The following DRAXIN variants were observed in gnomAD, a reference collection of about 807,000 sequenced individuals.
DRAXIN encodes dorsal repulsive axon guidance protein.
A neutral mutation model predicts 33.9 loss-of-function variants in DRAXIN; 27 were observed. The ratio of observed to expected loss-of-function variants is 0.80; its 90% CI spans 0.59 to 1.10. DRAXIN has a LOEUF of 1.10. Ranked by LOEUF, DRAXIN falls within the 50% of genes least tolerant of loss-of-function variation. The pLI, the probability that DRAXIN is intolerant of heterozygous loss-of-function variation, is 0.00. For synonymous variants in DRAXIN, 178 were observed against 194.0 expected, an observed-to-expected ratio of 0.92 and a Z score of 0.69; for missense variants, 371 against 460.8, an observed-to-expected ratio of 0.81 and a Z score of 1.78.
At chr1:11,711,208 G>A (rs573621237) in intron 3 of DRAXIN, among the ~76,000 whole-genome samples, 3 of 152,362 alleles carry the variant, frequency 2.0e-5, no homozygotes, top group East Asian at 1.9e-4. Flanking sequence ...CCTTGAGATT[G>A]TGATAAAAGC....
chr1:11,716,788 C>T (rs1029530495), intron 6 of DRAXIN, among the ~76,000 whole-genome samples: 10 of 152,142 alleles, frequency 6.6e-5, no homozygotes, highest in African/African-American at 2.2e-4. Flanking sequence ...CCTCCCGCCT[C>T]GGCAATAAAG....
At position 11,713,714 on chromosome 1, in the gene DRAXIN, C is replaced by G. The variant is rs148354634; in HGVS notation, c.847+1285C>G. 4.3e-3 allele frequency among the ~76,000 whole-genome samples: 649 copies of G among 152,276 alleles called. 8 individuals are homozygous for G. The highest frequency in any genetic ancestry group is 0.015 in the African/African-American group (617 of 41,548). On this transcript the variant is annotated intron_variant, in intron 5 of 6. Coordinates refer to ENST00000294485, the MANE Select transcript of DRAXIN (RefSeq NM_198545.4). ...GACCAGCCTGGGCAACACGGGAAGA[C>G]TCCATCTCCAAAAATAGTAATAATT...
chr1:11,700,830 A>G (rs1478894019), intron 1 of DRAXIN, among the ~76,000 whole-genome samples: 2 of 152,178 alleles, frequency 1.3e-5, no homozygotes, highest in East Asian at 1.9e-4. Flanking sequence ...GCTCCCCCCA[A>G]CCCACTATGC....
rs376842651 is a variant in DRAXIN, at chr1:11,706,599, G to T, written c.341G>T (p.Gly114Val). The T allele has an allele frequency of 2.1e-5, 33 of 1,605,052 alleles. No individual in the cohort carries two copies. In the Admixed American group the frequency reaches 3.0e-4, roughly 15 times the overall value. The change falls in exon 2 of 7, where the codon GGA becomes GTA. Residue 114 changes from glycine (G) to valine (V), a missense_variant. Coordinates refer to ENST00000294485, the MANE Select transcript of DRAXIN (RefSeq NM_198545.4). The surrounding 1 kb of genome is among the most constrained non-coding windows in gnomAD (Gnocchi z 5.5). The part of the protein sequence containing the change: ...GLLQDKDLLL[G>V]LALPYPEKEN... ...CTGCAGGACAAGGACCTGCTCCTGG[G>T]ACTGGCATTGCCCTACCCCGAGAAG...
intron 1 of DRAXIN, among the ~76,000 whole-genome samples, chr1:11,701,373 C>T (rs1477836867): frequency 6.6e-6 from 1 of 152,120 alleles, no homozygotes; most frequent in Admixed American, 6.5e-5. Context: ...CCCAGAGCCT[C>T]GGTTTCGTCA....
chr1:11,687,488 C>T (rs1640979959), upstream of DRAXIN, among the ~76,000 whole-genome samples: 1 of 152,226 alleles, frequency 6.6e-6, no homozygotes, highest in Non-Finnish European at 1.5e-5. The surrounding 1 kb of genome is among the most constrained non-coding windows in gnomAD (Gnocchi z 4.1). Context: ...GACCCACCTA[C>T]CTTGGCCTCC....
rs1641443081 is a variant in DRAXIN, at chr1:11,709,428, A to T, written c.605A>T (p.Glu202Val). The T allele has an allele frequency of 3.1e-6, 5 of 1,614,008 alleles. No homozygotes were observed. Among genetic ancestry groups the T allele is most frequent in the Non-Finnish European group, 4.2e-6 (5 of 1,179,962 alleles). Residue 202 changes from glutamate to valine, a missense_variant, in exon 3 of 7, where the codon GAG (glutamate) becomes GTG (valine). By Grantham distance (121) the Glu-to-Val change is moderately radical. Coordinates refer to ENST00000294485, the MANE Select transcript of DRAXIN (RefSeq NM_198545.4). ...TTFEAAPATE[E>V]SLILPVTSLR... ...TTTGAGGCAGCACCTGCCACAGAAGAGTCCCTGATCCTGCCCGTCACCTCC... is the reference window on the plus strand; with the variant it reads ...TTTGAGGCAGCACCTGCCACAGAAGTGTCCCTGATCCTGCCCGTCACCTCC...
In DRAXIN at chr1:11,706,013, G is replaced by C. The variant is rs1016998586; in HGVS notation, c.-10-236G>C. Among the ~76,000 whole-genome samples the C allele has an allele frequency of 2.6e-5, 4 of 152,118 alleles. No homozygotes were observed. Among genetic ancestry groups the C allele is most frequent in the African/African-American group, 7.2e-5 (3 of 41,428 alleles). The stretch of plus-strand genomic sequence containing the variant: ...TCTGGGCCGGATGATTCTTGGTTTC[G>C]GGGGCTGTCCTGTGCATTGTCGGGC... On this transcript the variant is annotated intron_variant, in intron 1 of 6. Coordinates refer to ENST00000294485, the MANE Select transcript of DRAXIN (RefSeq NM_198545.4). This position sits in a 1 kb window ranked among gnomAD's most constrained non-coding sequence, Gnocchi z 5.5.
intron 5 of DRAXIN, among the ~76,000 whole-genome samples, chr1:11,712,817 C>A (rs150227662): frequency 2.0e-5 from 3 of 151,836 alleles, no homozygotes; most frequent in Admixed American, 2.0e-4. Context: ...GAGAATCAAT[C>A]GCTTGAACCT....
At chr1:11,695,530 G>A (rs1169755539) in intron 1 of DRAXIN, among the ~76,000 whole-genome samples, 2 of 151,798 alleles carry the variant, frequency 1.3e-5, no homozygotes, top group Non-Finnish European at 2.9e-5. Flanking sequence ...AGGTTGCAGG[G>A]AGCAGAGGCT....
chr1:11,693,119 G>A (rs751360164), intron 1 of DRAXIN, among the ~76,000 whole-genome samples: 17 of 152,046 alleles, frequency 1.1e-4, no homozygotes, highest in African/African-American at 2.7e-4. Flanking sequence ...CCATACAGGC[G>A]TCCACACCCT....
intron 1 of DRAXIN, among the ~76,000 whole-genome samples, chr1:11,697,332 T>C (rs1641209021): frequency 6.6e-6 from 1 of 152,250 alleles, no homozygotes; most frequent in African/African-American, 2.4e-5. Flanking sequence ...AGGCAAGGAC[T>C]GTGTCTTTGC....
chr1:11,712,084 G>A (rs977363910), intron 4 of DRAXIN, 119 bp downstream of exon 4: 1 of 998,620 alleles, frequency 1.0e-6, no homozygotes, highest in South Asian at 1.5e-5. Context: ...GGTGGGATGT[G>A]GGGAGAGGGG....
At chr1:11,717,467 G>A (rs1447816458) in intron 6 of DRAXIN, among the ~76,000 whole-genome samples, 1 of 151,414 alleles carries the variant, frequency 6.6e-6, no homozygotes, top group African/African-American at 2.4e-5. Context: ...TTTGAGACCA[G>A]CCTGACCAAC....
rs1270795760 is a variant in DRAXIN, at chr1:11,705,859, C to T, written c.-10-390C>T. On this transcript the variant is annotated intron_variant, in intron 1 of 6. Transcript: ENST00000294485. This position sits in a 1 kb window ranked among gnomAD's most constrained non-coding sequence, Gnocchi z 4.8. ...GCATATTTCTGAGCTCTGAGGGACT[C>T]GGTTCCCTCTAGGGGACTTGGTAAG... Among the ~76,000 whole-genome samples the T allele has an allele frequency of 6.6e-6, 1 of 152,120 alleles. No individual in the cohort carries two copies. The highest frequency in any genetic ancestry group is 2.4e-5 in the African/African-American group (1 of 41,436).
At chr1:11,691,983 A>T (rs1641078491) in intron 1 of DRAXIN, 130 bp downstream of exon 1, 1 of 151,510 alleles carries the variant, frequency 6.6e-6, no homozygotes, top group East Asian at 2.0e-4. Context: ...GGAAGTGAGG[A>T]TGCTGCCTCC....
rs1026873377 is a variant in DRAXIN, at chr1:11,724,658, C to T, written c.*4962C>T. On this transcript the variant is annotated 3_prime_UTR_variant, in exon 7 of 7. Coordinates refer to ENST00000294485, the MANE Select transcript of DRAXIN (RefSeq NM_198545.4). ...GAGGTGGTGGGCACACGGCCCCTGC[C>T]GTGGGGCTCACTCTGCAGCTGGAGA... 1.3e-5 allele frequency: 2 copies of T among 152,274 alleles called. No homozygotes were observed. The highest frequency in any genetic ancestry group is 2.4e-5 in the African/African-American group (1 of 41,466). The allele number at this position is 152,274 out of a possible 1,614,324, so 9.4% of individuals were successfully genotyped here. A position where few individuals can be genotyped will look rare whatever the true frequency, so the allele number is the denominator to read the frequency against.
intron 1 of DRAXIN, among the ~76,000 whole-genome samples, chr1:11,695,833 A>C (rs1641182931): frequency 6.6e-6 from 1 of 152,050 alleles, no homozygotes; most frequent in Admixed American, 6.6e-5. Context: ...CCTATAATCT[A>C]GCAGGAGGTA....
At position 11,706,619 on chromosome 1, in the gene DRAXIN, G is replaced by A. The variant is rs375294695; in HGVS notation, c.361G>A (p.Glu121Lys). ...CCTGGGACTGGCATTGCCCTACCCC[G>A]AGAAGGAGAACCGACCTCCAGGTTG... is the stretch of plus-strand genomic sequence containing the variant. ...LLLGLALPYPEKENRPPGWER... is the reference protein window; with the variant it reads ...LLLGLALPYPKKENRPPGWER... Residue 121 changes from glutamate (E) to lysine (K), a missense_variant, in exon 2 of 7, where the codon GAG (glutamate) becomes AAG (lysine). Coordinates refer to ENST00000294485, the MANE Select transcript of DRAXIN (RefSeq NM_198545.4). This position sits in a 1 kb window ranked among gnomAD's most constrained non-coding sequence, Gnocchi z 5.5. 2.5e-5 allele frequency: 40 copies of A among 1,601,656 alleles called. 1 individual carries two copies. Among genetic ancestry groups the A allele is most frequent in the South Asian group, 3.3e-5 (3 of 90,888 alleles).
Sources: allele counts gnomAD v4.1 joint callset (sites outside exome capture counted in the v4.1 genomes callset), GRCh38; gene constraint gnomAD v4.1.1; non-coding constraint Gnocchi (gnomAD v3.1); transcripts MANE v1.5; gene names NCBI Gene and HGNC (gene_info 2026-07-23, HGNC 2026-07-21).